SOX5: variants seen among roughly 807,000 people sequenced by gnomAD.
SOX5 encodes the protein transcription factor SOX-5.
Under a neutral mutation model 92.0 loss-of-function variants are expected in SOX5, and 9 were observed. The observed-to-expected ratio is 0.10, with a 90% CI of 0.06 to 0.17. SOX5 has a LOEUF of 0.17. Among genes scored for constraint, SOX5 ranks in the 10% least tolerant of loss-of-function variants. The pLI is 1.00. For synonymous variants in SOX5, 344 were observed against 336.3 expected (o/e 1.02, Z -0.25); for missense variants, 642 against 944.5 (o/e 0.68, Z 4.20).
At chr12:24,187,487 C>T (rs1212153193) in intron 4 of SOX5, among the ~76,000 whole-genome samples, 3 of 152,204 alleles carry the variant, frequency 2.0e-5, no homozygotes, top group East Asian at 1.9e-4. Flanking sequence ...AATACATTTG[C>T]TTCATAACTG....
At chr12:23,833,847 G>A (rs2096370611) in intron 3 of SOX5, among the ~76,000 whole-genome samples, 1 of 151,816 alleles carries the variant, frequency 6.6e-6, no homozygotes, top group Non-Finnish European at 1.5e-5. Context: ...TTTAAAAAGA[G>A]AAAGGCAGAA....
chr12:23,613,616 T>C (rs893662827), intron 8 of SOX5, among the ~76,000 whole-genome samples: 1 of 152,166 alleles, frequency 6.6e-6, no homozygotes, highest in Non-Finnish European at 1.5e-5. Context: ...AATTCAAATG[T>C]CCACTGATGG....
intron 1 of SOX5, among the ~76,000 whole-genome samples, chr12:23,927,081 T>A (rs1271392501): frequency 1.3e-5 from 2 of 152,230 alleles, no homozygotes; most frequent in East Asian, 3.9e-4. Context: ...AAACTGGACA[T>A]TCCTTGCTTT....
At chr12:24,169,851 C>T (rs1953871126) in intron 4 of SOX5, among the ~76,000 whole-genome samples, 3 of 152,184 alleles carry the variant, frequency 2.0e-5, no homozygotes. Flanking sequence ...CTGATCTAAG[C>T]TATGTCATGC....
chr12:24,169,587 T>C (rs1953832126), intron 4 of SOX5, among the ~76,000 whole-genome samples: 1 of 152,240 alleles, frequency 6.6e-6, no homozygotes, highest in Admixed American at 6.5e-5. Context: ...GTTCCTGTCC[T>C]CGTTCATTCA....
chr12:24,224,311 C>A (rs909278402), intron 3 of SOX5, among the ~76,000 whole-genome samples: 1 of 151,988 alleles, frequency 6.6e-6, no homozygotes, highest in Non-Finnish European at 1.5e-5. Context: ...TAGAATGTTT[C>A]GGAAGCTGAC....
rs1250326055 is a variant in SOX5 at position 23,616,941 on chromosome 12, GA to G, written c.1018-12409del. On this transcript the variant is annotated intron_variant, in intron 8 of 14. Coordinates refer to ENST00000451604, the MANE Select transcript of SOX5 (RefSeq NM_006940.6). ...TTGAGACGAGCCTGGGCAACATAGC[GA>G]AACCCCATTTCAACAAAAACTTAAA... Among the ~76,000 whole-genome samples, 14 of 152,012 alleles carry G rather than the reference GA, an allele frequency of 9.2e-5. 1 individual carries two copies. The highest frequency in any genetic ancestry group is 3.4e-4 in the African/African-American group (14 of 41,476).
intron 2 of SOX5, among the ~76,000 whole-genome samples, chr12:24,314,574 A>T (rs73287618): frequency 6.6e-6 from 1 of 152,058 alleles, no homozygotes; most frequent in African/African-American, 2.4e-5. Context: ...AAAAAAAATT[A>T]TAACAGTTCT....
intron 3 of SOX5, among the ~76,000 whole-genome samples, chr12:23,827,841 G>A (rs543650711): frequency 1.3e-5 from 2 of 152,246 alleles, no homozygotes; most frequent in South Asian, 4.2e-4. Flanking sequence ...ATTTGGGAAG[G>A]AGCAAATGAA....
chr12:24,290,644 C>T (rs962356001), intron 2 of SOX5, among the ~76,000 whole-genome samples: 4 of 152,188 alleles, frequency 2.6e-5, no homozygotes, highest in South Asian at 2.1e-4. Flanking sequence ...CACCACCCCC[C>T]TCTCCCAGCC....
intron 6 of SOX5, among the ~76,000 whole-genome samples, chr12:23,667,560 A>G (rs1373496735): frequency 6.6e-6 from 1 of 152,182 alleles, no homozygotes; most frequent in African/African-American, 2.4e-5. Flanking sequence ...AACATAGCCA[A>G]CATGCTAATG....
chr12:24,478,168 G>A (rs1357768236), intron 1 of SOX5, among the ~76,000 whole-genome samples: 4 of 152,108 alleles, frequency 2.6e-5, no homozygotes, highest in African/African-American at 9.7e-5. Context: ...TGAAGTGTGA[G>A]AATTAATCTT....
chr12:23,646,696 AAGT>A (rs1325557382), intron 7 of SOX5, among the ~76,000 whole-genome samples: 1 of 152,210 alleles, frequency 6.6e-6, no homozygotes, highest in African/African-American at 2.4e-5. Flanking sequence ...TCTTCATCAG[AAGT>A]AGAATTAATT....
chr12:24,331,014 G>A (rs540610415), intron 2 of SOX5, among the ~76,000 whole-genome samples: 23 of 152,242 alleles, frequency 1.5e-4, no homozygotes, highest in Admixed American at 1.1e-3. Flanking sequence ...CAGTCTCCCC[G>A]GAGCTCCAGC....
chr12:24,126,945 T>G (rs1949162614), intron 4 of SOX5, among the ~76,000 whole-genome samples: 1 of 152,174 alleles, frequency 6.6e-6, no homozygotes, highest in Non-Finnish European at 1.5e-5. Flanking sequence ...TTAAAAGGCT[T>G]CTTAGGGATG....
In SOX5 at chr12:23,901,377, AT is replaced by A. The variant is rs533040719; in HGVS notation, c.39-5354del. Reference sequence around the variant, plus strand: ...CAAAACTGTAAAAGAATACATTTGTATTTTTTAAGCCACTATATTTGTGATG... The same window carrying A: ...CAAAACTGTAAAAGAATACATTTGTATTTTTAAGCCACTATATTTGTGATG... On this transcript the variant is annotated intron_variant, in intron 1 of 14. Coordinates refer to ENST00000451604, the MANE Select transcript of SOX5 (RefSeq NM_006940.6). Among the ~76,000 whole-genome samples the A allele has an allele frequency of 2.6e-4, 40 of 152,288 alleles. No homozygotes were observed. The Middle Eastern group carries it at 0.017, about 65-fold the overall frequency.
chr12:23,926,524 T>A (rs1939985197), intron 1 of SOX5, among the ~76,000 whole-genome samples: 1 of 151,402 alleles, frequency 6.6e-6, no homozygotes, highest in African/African-American at 2.4e-5. Flanking sequence ...CAAAATCCTA[T>A]GCTTTATCTG....
intron 6 of SOX5, among the ~76,000 whole-genome samples, chr12:23,688,819 T>C (rs1475415616): frequency 6.6e-6 from 1 of 152,138 alleles, no homozygotes; most frequent in African/African-American, 2.4e-5. Context: ...GAATTCTTTC[T>C]TGTGTGCAGT....
At chr12:23,973,483 G>A (rs1479207953) in intron 4 of SOX5, among the ~76,000 whole-genome samples, 1 of 152,102 alleles carries the variant, frequency 6.6e-6, no homozygotes, top group Non-Finnish European at 1.5e-5. Context: ...TTTAAAGGCT[G>A]CGGTTAGGGG....
Sources: allele counts gnomAD v4.1 joint callset (sites outside exome capture counted in the v4.1 genomes callset), GRCh38; gene constraint gnomAD v4.1.1; transcripts MANE v1.5; gene names NCBI Gene and HGNC (gene_info 2026-07-23, HGNC 2026-07-21).